The following NINL variants were observed in gnomAD, a reference collection of about 807,000 sequenced individuals.
NINL encodes ninein like, also known as ninein-like protein.
In NINL, 153 loss-of-function variants were observed where a neutral mutation model predicts 160.3. That is an observed-to-expected ratio of 0.95 (90% confidence interval 0.84 to 1.09). NINL has a LOEUF of 1.09. Ranked by LOEUF, NINL falls within the 50% of genes least tolerant of loss-of-function variation. The pLI is 0.00. For synonymous variants in NINL, 800 were observed against 734.8 expected (o/e 1.09, Z -1.43); for missense variants, 1,829 against 1,764.0 (o/e 1.04, Z -0.66).
At chr20:25,457,350 T>A (rs1044730785) in intron 22 of NINL, among the ~76,000 whole-genome samples, 57 of 152,036 alleles carry the variant, frequency 3.7e-4, no homozygotes, top group Non-Finnish European at 7.4e-4. Flanking sequence ...AAAACAAAAA[T>A]ATGTTCTGGC....
At chr20:25,557,179 C>G (rs1418313002) in intron 1 of NINL, among the ~76,000 whole-genome samples, 1 of 152,166 alleles carries the variant, frequency 6.6e-6, no homozygotes, top group African/African-American at 2.4e-5. Flanking sequence ...TGGCTGTAAC[C>G]TCTACCATGC....
chr20:25,503,264 G>A (rs192991072), intron 7 of NINL, among the ~76,000 whole-genome samples: 2 of 143,456 alleles, frequency 1.4e-5, no homozygotes, highest in East Asian at 4.2e-4. Flanking sequence ...AACCCCAGCA[G>A]GTGGGCACCT....
intron 1 of NINL, among the ~76,000 whole-genome samples, chr20:25,541,963 G>T (rs944963220): frequency 1.3e-5 from 2 of 152,222 alleles, no homozygotes; most frequent in Non-Finnish European, 2.9e-5. Context: ...CTGAGCAACT[G>T]CAATCAACTA....
At chr20:25,567,279 C>T (rs1351241278) in intron 1 of NINL, among the ~76,000 whole-genome samples, 1 of 152,216 alleles carries the variant, frequency 6.6e-6, no homozygotes, top group South Asian at 2.1e-4. Flanking sequence ...GAATCTTCAA[C>T]AGCTATGAGA....
intron 1 of NINL, among the ~76,000 whole-genome samples, chr20:25,545,988 A>AT (rs67346359): frequency 0.82 from 120,722 of 147,402 alleles, 51,703 homozygotes; most frequent in South Asian, 0.94. Flanking sequence ...TTTTGTTTTT[A>AT]TTTTTTTTTT....
At chr20:25,564,066 T>TA (rs1382344586) in intron 1 of NINL, among the ~76,000 whole-genome samples, 1 of 151,606 alleles carries the variant, frequency 6.6e-6, no homozygotes, top group Non-Finnish European at 1.5e-5. Flanking sequence ...ATCAAAATAT[T>TA]AGCCCGGCAT....
rs757064247 is a variant in NINL at position 25,480,317 on chromosome 20, G to A, written c.1811-50C>T. 8 of 1,487,986 alleles carry A rather than the reference G, an allele frequency of 5.4e-6. No individual in the cohort carries two copies. In the Admixed American group the frequency reaches 8.5e-5, roughly 16 times the overall value. 92.2% of individuals were successfully genotyped at this position (1,487,986 alleles called of 1,614,324 possible). A position where few individuals can be genotyped will look rare whatever the true frequency, so the allele number is the denominator to read the frequency against. On this transcript the variant is annotated intron_variant, in intron 14 of 23. Transcript: ENST00000278886. ...TTGTCACACTGAGGATGCCACGGGG[G>A]CCCCTTCCAAACCTTCCAATCTGAT...
Position 25,568,593 on chromosome 20 carries a change from T to G in NINL, c.-12+16862A>C, listed in dbSNP as rs1167818296. Among the ~76,000 whole-genome samples, 3 of 151,784 alleles carry G rather than the reference T, an allele frequency of 2.0e-5. No individual in the cohort carries two copies. The East Asian group carries it at 5.9e-4, about 30-fold the overall frequency. ...CTGGCTTATTTTTTAAATTTTTTTG[T>G]AGAGACAGTGTCTCACTATGTTTCC... On this transcript the variant is annotated intron_variant, in intron 1 of 23. Transcript: ENST00000278886.
intron 10 of NINL, among the ~76,000 whole-genome samples, chr20:25,494,183 C>G (rs564453839): frequency 6.8e-6 from 1 of 147,278 alleles, no homozygotes; most frequent in African/African-American, 2.5e-5. Context: ...ACAGGCCCCA[C>G]GCACACTCAG....
intron 4 of NINL, among the ~76,000 whole-genome samples, chr20:25,511,848 G>T (rs573257335): frequency 1.4e-4 from 22 of 152,212 alleles, no homozygotes; most frequent in Non-Finnish European, 2.9e-4. Flanking sequence ...CTCCACAAAT[G>T]TTGAAAACAA....
intron 13 of NINL, among the ~76,000 whole-genome samples, chr20:25,486,552 G>A (rs1316578295): frequency 3.3e-5 from 5 of 152,106 alleles, no homozygotes; most frequent in Non-Finnish European, 7.4e-5. Context: ...GACCCCATCC[G>A]CATGGCAGGC....
Position 25,476,861 on chromosome 20 carries a change from C to T in NINL, c.2430G>A (p.Glu810=). The part of the protein sequence containing the change: ...VSLALEEEEL[E]LARGKRVDGP... Reference sequence around the variant, plus strand: ...CGTCCACTCGCTTCCCGCGGGCAAGCTCCAACTCCTCCTCCTCGAGGGCCA... The same window carrying T: ...CGTCCACTCGCTTCCCGCGGGCAAGTTCCAACTCCTCCTCCTCGAGGGCCA... The change falls in exon 17 of 24, where the codon GAG becomes GAA. Residue 810 remains glutamate, a synonymous_variant. Transcript: ENST00000278886. 6.2e-7 allele frequency: 1 copy of T among 1,613,408 alleles called. No individual in the cohort carries two copies. Among genetic ancestry groups the T allele is most frequent in the Non-Finnish European group, 8.5e-7 (1 of 1,179,908 alleles).
chr20:25,473,534 A>AAAAT (rs2063157556), intron 17 of NINL, among the ~76,000 whole-genome samples: 1 of 151,704 alleles, frequency 6.6e-6, no homozygotes, highest in Non-Finnish European at 1.5e-5. Flanking sequence ...AAAATAAAAC[A>AAAAT]AAGTGGCCAG....
intron 17 of NINL, 77 bp from the exon 18 acceptor site, chr20:25,470,172 G>A (rs1473609558): frequency 1.8e-6 from 2 of 1,142,378 alleles, no homozygotes; most frequent in Non-Finnish European, 2.6e-6. Context: ...CTGCAGCGGG[G>A]AGTCCTGAGA....
intron 21 of NINL, among the ~76,000 whole-genome samples, chr20:25,460,770 G>C (rs550953518): frequency 5.0e-4 from 75 of 150,680 alleles, no homozygotes; most frequent in African/African-American, 1.6e-3. Context: ...GGCCAGCGCC[G>C]GGGGGGACCA....
intron 1 of NINL, among the ~76,000 whole-genome samples, chr20:25,544,729 A>C (rs1600316873): frequency 6.6e-6 from 1 of 152,226 alleles, no homozygotes; most frequent in Non-Finnish European, 1.5e-5. Flanking sequence ...GCATGAAAAA[A>C]GCAGCCACAA....
At chr20:25,491,932 T>C (rs762514520) in intron 10 of NINL, among the ~76,000 whole-genome samples, 1 of 152,200 alleles carries the variant, frequency 6.6e-6, no homozygotes, top group African/African-American at 2.4e-5. Context: ...ATGAAACCCA[T>C]GGACAGTGAA....
intron 1 of NINL, among the ~76,000 whole-genome samples, chr20:25,576,345 G>T (rs1015887202): frequency 6.6e-6 from 1 of 152,142 alleles, no homozygotes; most frequent in African/African-American, 2.4e-5. Context: ...TCTCATGGGG[G>T]GCACAGATGT....
intron 5 of NINL, among the ~76,000 whole-genome samples, chr20:25,506,292 T>C (rs1256979928): frequency 6.6e-6 from 1 of 152,176 alleles, no homozygotes. Flanking sequence ...CTCTATTATT[T>C]GTATTTACAA....
Sources: gnomAD v4.1 joint callset for allele counts (sites outside exome capture counted in the v4.1 genomes callset) on GRCh38, gnomAD v4.1.1 for gene constraint, MANE v1.5 for transcripts, NCBI Gene and HGNC (gene_info 2026-07-23, HGNC 2026-07-21) for gene names.